The following RBFOX2 variants were observed in gnomAD, a reference collection of about 807,000 sequenced individuals.
The protein encoded by RBFOX2 is RNA binding protein fox-1 homolog 2.
Under a neutral mutation model 49.1 loss-of-function variants are expected in RBFOX2, and 10 were observed. The observed-to-expected ratio is 0.20, with a 90% CI of 0.13 to 0.35. RBFOX2 has a LOEUF of 0.35. RBFOX2 is among the 10% of genes least tolerant of loss of function. The pLI, the probability that RBFOX2 is intolerant of heterozygous loss-of-function variation, is 1.00. For synonymous variants in RBFOX2, 183 were observed against 187.4 expected (o/e 0.98, Z 0.19); for missense variants, 323 against 486.9 (o/e 0.66, Z 3.17).
chr22:35,897,476 T>C (rs2047998503), intron 1 of RBFOX2: 3 of 824,084 alleles, frequency 3.6e-6, no homozygotes, highest in Non-Finnish European at 6.5e-6. Context: ...CAAATGGGCT[T>C]ATTTCAAAGT....
intron 2 of RBFOX2, among the ~76,000 whole-genome samples, chr22:35,792,486 A>C (rs1445390591): frequency 6.6e-6 from 1 of 152,190 alleles, no homozygotes; most frequent in Admixed American, 6.5e-5. Context: ...TCAAATCTAA[A>C]TGATTTAAAT....
chr22:35,768,323 A>G (rs750455959), exon 5 of RBFOX2: 20 of 1,614,120 alleles, frequency 1.2e-5, no homozygotes, highest in Non-Finnish European at 1.7e-5. Flanking sequence ...CATCAGCACT[A>G]TTCTCGAAAG....
intron 1 of RBFOX2, among the ~76,000 whole-genome samples, chr22:35,872,163 G>A (rs2044438478): frequency 1.3e-5 from 2 of 152,150 alleles, no homozygotes; most frequent in African/African-American, 4.8e-5. Context: ...AATTCGACAT[G>A]TTAATGACTG....
chr22:35,865,848 T>C (rs1354198084), intron 1 of RBFOX2, among the ~76,000 whole-genome samples: 1 of 152,182 alleles, frequency 6.6e-6, no homozygotes, highest in African/African-American at 2.4e-5. Flanking sequence ...GATAAAGGAC[T>C]GTTGTGTTGT....
chr22:35,842,843 G>A (rs2040683534), upstream of RBFOX2, among the ~76,000 whole-genome samples: 1 of 152,020 alleles, frequency 6.6e-6, no homozygotes, highest in Non-Finnish European at 1.5e-5. Context: ...GGCAAATGAG[G>A]GGTCCCCACA....
chr22:35,881,944 G>T (rs1334314143), intron 1 of RBFOX2, among the ~76,000 whole-genome samples: 4 of 149,636 alleles, frequency 2.7e-5, no homozygotes, highest in Non-Finnish European at 5.9e-5. Context: ...GGACAACAGA[G>T]TGAGACCCTG....
chr22:35,901,858 G>T (rs1310030687), intron 1 of RBFOX2, among the ~76,000 whole-genome samples: 1 of 152,082 alleles, frequency 6.6e-6, no homozygotes, highest in Admixed American at 6.5e-5. Context: ...GAGGCAGGCG[G>T]ATCACTTGAG....
At chr22:35,919,328 A>G (rs1161388032) in intron 1 of RBFOX2, among the ~76,000 whole-genome samples, 1 of 152,224 alleles carries the variant, frequency 6.6e-6, no homozygotes. Flanking sequence ...ACTTGAGGTC[A>G]GGAGTTCAAG....
chr22:35,969,032 G>GA (rs2056724395), intron 1 of RBFOX2, among the ~76,000 whole-genome samples: 1 of 152,090 alleles, frequency 6.6e-6, no homozygotes, highest in African/African-American at 2.4e-5. Flanking sequence ...GGTGCCTCTT[G>GA]CACACAGCAC....
intron 2 of RBFOX2, among the ~76,000 whole-genome samples, chr22:35,799,234 ATT>A (rs1022875527): frequency 4.6e-5 from 7 of 152,200 alleles, no homozygotes; most frequent in African/African-American, 7.2e-5. Flanking sequence ...TTCTTTGGTT[ATT>A]TATACCCACT....
intron 1 of RBFOX2, among the ~76,000 whole-genome samples, chr22:35,852,693 T>C (rs1020502308): frequency 6.6e-6 from 1 of 152,198 alleles, no homozygotes; most frequent in Non-Finnish European, 1.5e-5. Context: ...CTTCTTGATA[T>C]GAAGACTGGA....
intron 2 of RBFOX2, among the ~76,000 whole-genome samples, chr22:35,801,955 CA>C (rs2147895317): frequency 6.6e-6 from 1 of 152,286 alleles, no homozygotes; most frequent in South Asian, 2.1e-4. Context: ...TCTCTGTTCA[CA>C]GGCACAAATC....
Position 35,786,923 on chromosome 22 carries a change from C to T in RBFOX2, c.253-5177G>A, listed in dbSNP as rs1225798404. Among the ~76,000 whole-genome samples, 3 of 152,262 alleles carry T rather than the reference C, an allele frequency of 2.0e-5. No homozygotes were observed. The East Asian group carries it at 5.8e-4, about 29-fold the overall frequency. On this transcript the variant is annotated intron_variant, in intron 2 of 11. Transcript: ENST00000405409. The stretch of plus-strand genomic sequence containing the variant: ...ATTAGAAACGAGAACCCATACGAAC[C>T]CCACCCCTCTCTTACCTTCTTAGGA...
At chr22:35,871,447 G>A (rs1011783931) in intron 1 of RBFOX2, among the ~76,000 whole-genome samples, 3 of 152,178 alleles carry the variant, frequency 2.0e-5, no homozygotes, top group South Asian at 2.1e-4. Flanking sequence ...GAAGTCCTGG[G>A]TACAGAAATT....
chr22:35,919,080 G>A (rs1246583714), intron 1 of RBFOX2, among the ~76,000 whole-genome samples: 3 of 152,194 alleles, frequency 2.0e-5, no homozygotes, highest in African/African-American at 7.2e-5. Flanking sequence ...CATGGATTGT[G>A]CTAAGTGAAA....
intron 1 of RBFOX2, among the ~76,000 whole-genome samples, chr22:35,848,835 A>G (rs937687905): frequency 6.6e-6 from 1 of 152,176 alleles, no homozygotes; most frequent in African/African-American, 2.4e-5. Flanking sequence ...GATAGCTCAG[A>G]GGTCATCTGG....
chr22:35,812,530 G>GC (rs1952107834), intron 1 of RBFOX2, among the ~76,000 whole-genome samples: 1 of 152,086 alleles, frequency 6.6e-6, no homozygotes, highest in African/African-American at 2.4e-5. Flanking sequence ...GAAACATACT[G>GC]CTTCAGAAGC....
chr22:35,966,808 A>G (rs900237341), intron 1 of RBFOX2, among the ~76,000 whole-genome samples: 1 of 152,034 alleles, frequency 6.6e-6, no homozygotes, highest in Non-Finnish European at 1.5e-5. Flanking sequence ...TCTTTTATAT[A>G]CATATAATTT....
At chr22:35,959,249 G>A (rs1301576043) in intron 1 of RBFOX2, among the ~76,000 whole-genome samples, 1 of 152,216 alleles carries the variant, frequency 6.6e-6, no homozygotes, top group Non-Finnish European at 1.5e-5. Context: ...GTCAGACTCA[G>A]AGAGATTAAG....
Sources: gnomAD v4.1 joint callset for allele counts (sites outside exome capture counted in the v4.1 genomes callset) on GRCh38, gnomAD v4.1.1 for gene constraint, MANE v1.5 for transcripts, NCBI Gene and HGNC (gene_info 2026-07-23, HGNC 2026-07-21) for gene names.